SLC39A11: variants seen among roughly 807,000 people sequenced by gnomAD.
SLC39A11 encodes the protein zinc transporter ZIP11.
In SLC39A11, 33 loss-of-function variants were observed where a neutral mutation model predicts 36.1. The ratio of observed to expected loss-of-function variants is 0.91; its 90% CI spans 0.69 to 1.22. The LOEUF is 1.22. Among genes scored for constraint, SLC39A11 ranks in the 50% most tolerant of loss-of-function variants. The probability of loss-of-function intolerance (pLI) is 0.00; values close to 1 mark genes in which losing one functional copy is unlikely to be tolerated. For synonymous variants in SLC39A11, 166 were observed against 170.3 expected (o/e 0.97, Z 0.20); for missense variants, 432 against 430.3 (o/e 1.00, Z -0.03).
chr17:72,891,939 C>T (rs145560873), intron 5 of SLC39A11, among the ~76,000 whole-genome samples: 105 of 152,252 alleles, frequency 6.9e-4, no homozygotes, highest in African/African-American at 2.5e-3. Context: ...TGCACTTCTG[C>T]AGCCTCAGGG....
intron 5 of SLC39A11, among the ~76,000 whole-genome samples, chr17:72,857,436 A>G (rs561738413): frequency 2.6e-5 from 4 of 152,186 alleles, no homozygotes; most frequent in South Asian, 2.1e-4. Flanking sequence ...TAGTGCTGCA[A>G]TGAACATTGA....
chr17:73,089,354 A>G (rs917009687), intron 1 of SLC39A11, among the ~76,000 whole-genome samples: 1 of 151,854 alleles, frequency 6.6e-6, no homozygotes, highest in Admixed American at 6.6e-5. Flanking sequence ...CGAGCACCCA[A>G]CTCCAGCTCA....
chr17:72,958,906 T>C (rs118016856), intron 4 of SLC39A11, among the ~76,000 whole-genome samples: 5,167 of 140,538 alleles, frequency 0.037, 116 homozygotes, highest in Non-Finnish European at 0.059. Flanking sequence ...CCAAGAAACA[T>C]ACGAAAAAAT....
intron 4 of SLC39A11, among the ~76,000 whole-genome samples, chr17:72,972,760 G>A (rs548128489): frequency 4.6e-5 from 7 of 152,132 alleles, no homozygotes; most frequent in East Asian, 1.9e-4. Flanking sequence ...TCTTGGAGCC[G>A]GCTTTAGAAA....
At chr17:73,027,350 T>C (rs8080801) in intron 4 of SLC39A11, among the ~76,000 whole-genome samples, 16,275 of 152,248 alleles carry the variant, frequency 0.11, 1,366 homozygotes, top group African/African-American at 0.23. Context: ...CCAGGCCCAG[T>C]AGGCTGCACC....
At chr17:72,657,100 G>A (rs952102466) in intron 7 of SLC39A11, among the ~76,000 whole-genome samples, 20 of 152,088 alleles carry the variant, frequency 1.3e-4, no homozygotes, top group Non-Finnish European at 1.2e-4. Flanking sequence ...GGTGGCTCAC[G>A]CCTGTAATCC....
At chr17:72,894,251 A>C (rs1442792958) in intron 5 of SLC39A11, among the ~76,000 whole-genome samples, 1 of 129,200 alleles carries the variant, frequency 7.7e-6, no homozygotes, top group Non-Finnish European at 1.6e-5. Flanking sequence ...AATCCCAGCT[A>C]CTCTGGAGGC....
chr17:72,798,378 A>G (rs1480240586), intron 6 of SLC39A11, among the ~76,000 whole-genome samples: 4 of 149,748 alleles, frequency 2.7e-5, no homozygotes, highest in Non-Finnish European at 5.9e-5. Context: ...TGGTGAACAG[A>G]GAGAGAGACT....
intron 7 of SLC39A11, among the ~76,000 whole-genome samples, chr17:72,669,871 T>C (rs1378849818): frequency 1.3e-5 from 2 of 151,816 alleles, no homozygotes; most frequent in East Asian, 1.9e-4. Flanking sequence ...CACGTATATA[T>C]ACATATACAC....
chr17:72,757,516 C>T (rs1257845946), intron 6 of SLC39A11, among the ~76,000 whole-genome samples: 1 of 151,992 alleles, frequency 6.6e-6, no homozygotes, highest in Non-Finnish European at 1.5e-5. Context: ...GTCGAGAGGA[C>T]AGTTTCGGTT....
intron 4 of SLC39A11, among the ~76,000 whole-genome samples, chr17:72,977,011 T>C (rs139442106): frequency 3.0e-4 from 46 of 152,250 alleles, no homozygotes; most frequent in Non-Finnish European, 4.4e-4. Flanking sequence ...TGACACGCCA[T>C]CAGTACCATG....
intron 6 of SLC39A11, chr17:72,821,670 T>C (rs1474437636): frequency 1.3e-5 from 2 of 151,160 alleles, no homozygotes; most frequent in Non-Finnish European, 3.0e-5. Context: ...CTCAAAGGAA[T>C]GAATTTAAAA....
chr17:72,857,194 C>T (rs999709607), intron 5 of SLC39A11, among the ~76,000 whole-genome samples: 1 of 152,120 alleles, frequency 6.6e-6, no homozygotes, highest in African/African-American at 2.4e-5. Context: ...TCCACAAGTT[C>T]TCATCATTTA....
At chr17:72,946,253 T>C (rs1404079232) in intron 5 of SLC39A11, among the ~76,000 whole-genome samples, 1 of 152,236 alleles carries the variant, frequency 6.6e-6, no homozygotes, top group African/African-American at 2.4e-5. Context: ...AGATTTGTCA[T>C]TCTAACCCTC....
chr17:72,708,988 T>G (rs1254583016), intron 7 of SLC39A11, among the ~76,000 whole-genome samples: 1 of 150,914 alleles, frequency 6.6e-6, no homozygotes, highest in Admixed American at 6.6e-5. Flanking sequence ...CAGGCTGGAG[T>G]GCAGTGACGC....
intron 6 of SLC39A11, among the ~76,000 whole-genome samples, chr17:72,837,360 CAAAAAA>C (rs34639176): frequency 2.4e-4 from 22 of 91,114 alleles, no homozygotes; most frequent in African/African-American, 7.9e-4. Context: ...GTATATTGCT[CAAAAAA>C]AAAAAAAAAA....
intron 5 of SLC39A11, among the ~76,000 whole-genome samples, chr17:72,934,499 C>A (rs1352407792): frequency 6.6e-6 from 1 of 152,146 alleles, no homozygotes; most frequent in Non-Finnish European, 1.5e-5. Context: ...AACCCCGTCT[C>A]TACTAGAAAT....
chr17:72,848,152 T>G (rs1296690282), intron 6 of SLC39A11, among the ~76,000 whole-genome samples: 1 of 152,224 alleles, frequency 6.6e-6, no homozygotes, highest in Non-Finnish European at 1.5e-5. Context: ...ATTCTCTAAG[T>G]AAGCCACTTG....
In SLC39A11 at chr17:73,049,863, C is replaced by CT. The variant is rs1281118850; in HGVS notation, c.148-18150dup. On this transcript the variant is annotated intron_variant, in intron 3 of 9. Transcript: ENST00000255559. ...AGGTCCCAGGCACAGTGGCTCACGC[C>CT]TATAATCCCAGCACTTCAGCAGGCT... Among the ~76,000 whole-genome samples, 11 of 152,306 alleles carry CT rather than the reference C, an allele frequency of 7.2e-5. No individual in the cohort carries two copies. In the East Asian group the frequency reaches 2.1e-3, roughly 29 times the overall value.
Sources: allele counts gnomAD v4.1 joint callset (sites outside exome capture counted in the v4.1 genomes callset), GRCh38; gene constraint gnomAD v4.1.1; transcripts MANE v1.5; gene names NCBI Gene and HGNC (gene_info 2026-07-23, HGNC 2026-07-21).